SLC6A13: variants seen among roughly 807,000 people sequenced by gnomAD.
The protein encoded by SLC6A13 is solute carrier family 6 member 13, also known as sodium- and chloride-dependent GABA transporter 2.
A neutral mutation model predicts 72.9 loss-of-function variants in SLC6A13; 69 were observed. That is an observed-to-expected ratio of 0.95 (90% CI 0.78 to 1.16). SLC6A13 has a LOEUF of 1.16. SLC6A13 is among the 50% of genes most tolerant of loss of function. SLC6A13 has a pLI of 0.00. For missense variants in SLC6A13, 735 were observed against 760.5 expected, an observed-to-expected ratio of 0.97 and a Z score of 0.39; for synonymous variants, 303 against 303.0, an observed-to-expected ratio of 1.00 and a Z score of 0.00.
Position 242,701 on chromosome 12 carries a change from T to G in SLC6A13, c.391A>C (p.Ile131Leu). 1 of 1,609,388 alleles carries G rather than the reference T, an allele frequency of 6.2e-7. No individual in the cohort carries two copies. Among genetic ancestry groups the G allele is most frequent in the Non-Finnish European group, 8.5e-7 (1 of 1,177,850 alleles). ...TAGAACAGGGCCCAGGCCAACACAATGATGTAGTAGACGTTGAGGAGGATG... is the reference window on the plus strand; with the variant it reads ...TAGAACAGGGCCCAGGCCAACACAAGGATGTAGTAGACGTTGAGGAGGATG... ...IVILLNVYYI[I>L]VLAWALFYLF... is the part of the protein sequence containing the mutation. Residue 131 changes from isoleucine (I) to leucine (L), a missense_variant, in exon 4 of 15, where the codon ATT (isoleucine) becomes CTT (leucine). Ile to Leu is a conservative substitution (Grantham distance 5). Transcript: ENST00000343164.
chr12:262,609 CAAGTTTCAGAA>C (rs1461383929), intron 1 of SLC6A13, 169 bp downstream of exon 1: 1 of 807,208 alleles, frequency 1.2e-6, no homozygotes, highest in Non-Finnish European at 1.5e-6. Flanking sequence ...AACAGCCACC[CAAGTTTCAGAA>C]AGTCAAGAAA....
intron 2 of SLC6A13, among the ~76,000 whole-genome samples, chr12:248,458 T>C (rs1008561194): frequency 4.7e-5 from 7 of 150,344 alleles, no homozygotes; most frequent in African/African-American, 1.7e-4. Context: ...AAAATAAATC[T>C]GTAAAGTTTA....
chr12:229,365 A>T (rs887456055), intron 7 of SLC6A13, among the ~76,000 whole-genome samples: 12 of 152,202 alleles, frequency 7.9e-5, no homozygotes, highest in African/African-American at 2.9e-4. Flanking sequence ...CTCCTTCAAG[A>T]TGTTCTAAAT....
rs765967904 is a variant in SLC6A13 at position 221,085 on chromosome 12, GAGGTGGCTGTC to G, written c.1687-26_1687-16del. Reference sequence around the variant, plus strand: ...TGACGGATTCTCTGCGGGGATAGCAGAGGTGGCTGTCAGGTGGTGGAGCGGGGGCAGGTCTG... The same window carrying G: ...TGACGGATTCTCTGCGGGGATAGCAGAGGTGGTGGAGCGGGGGCAGGTCTG... On this transcript the variant is annotated splice_polypyrimidine_tract_variant and intron_variant, in intron 14 of 14. Coordinates refer to ENST00000343164, the MANE Select transcript of SLC6A13 (RefSeq NM_016615.5). The G allele has an allele frequency of 6.3e-7, 1 of 1,580,564 alleles. No individual in the cohort carries two copies. Among genetic ancestry groups the G allele is most frequent in the Non-Finnish European group, 8.6e-7 (1 of 1,165,136 alleles).
At chr12:238,032 G>C (rs1479538312) in intron 4 of SLC6A13, 22 bp from the exon 5 acceptor site, 14 of 1,606,684 alleles carry the variant, frequency 8.7e-6, no homozygotes, top group Non-Finnish European at 1.2e-5. Context: ...TCACGAGGAG[G>C]GAAAAAAGAG....
intron 5 of SLC6A13, 148 bp from the exon 6 acceptor site, chr12:237,438 A>G: frequency 1.2e-6 from 1 of 839,602 alleles, no homozygotes; most frequent in Non-Finnish European, 1.9e-6. Context: ...CTTAGCCCAG[A>G]GCTGGAGGTG....
chr12:227,763 G>A (rs1941526248), intron 7 of SLC6A13, 95 bp from the exon 8 acceptor site: 2 of 1,044,554 alleles, frequency 1.9e-6, no homozygotes, highest in Non-Finnish European at 2.8e-6. Context: ...CCAGACACTG[G>A]CTAGGGATGG....
At chr12:244,953 A>T (rs1450205780) in intron 2 of SLC6A13, among the ~76,000 whole-genome samples, 1 of 152,198 alleles carries the variant, frequency 6.6e-6, no homozygotes, top group Non-Finnish European at 1.5e-5. Flanking sequence ...TGGCGGAGAC[A>T]AGACTACTGA....
At chr12:247,889 A>G (rs1942408341) in intron 2 of SLC6A13, among the ~76,000 whole-genome samples, 1 of 152,186 alleles carries the variant, frequency 6.6e-6, no homozygotes, top group South Asian at 2.1e-4. Context: ...TCACTTGAAG[A>G]TAAAGTGTGA....
chr12:234,870 T>C (rs1440265567), intron 7 of SLC6A13, among the ~76,000 whole-genome samples: 1 of 152,160 alleles, frequency 6.6e-6, no homozygotes, highest in Non-Finnish European at 1.5e-5. Flanking sequence ...CCCCCCAAAT[T>C]CCTTCTTGTG....
chr12:221,787 C>T (rs1205288102), intron 13 of SLC6A13, among the ~76,000 whole-genome samples: 4 of 152,218 alleles, frequency 2.6e-5, no homozygotes, highest in Non-Finnish European at 4.4e-5. Flanking sequence ...GCAGCTGACT[C>T]CCAGGTAGGA....
At chr12:226,808 C>A (rs1029336652) in intron 8 of SLC6A13, 1 of 280,308 alleles carries the variant, frequency 3.6e-6, no homozygotes, top group African/African-American at 2.2e-5. Flanking sequence ...GCCACACAGC[C>A]GCCCCTCTCT....
intron 6 of SLC6A13, 88 bp from the exon 7 acceptor site, chr12:235,312 T>C: frequency 7.3e-7 from 1 of 1,372,566 alleles, no homozygotes; most frequent in Non-Finnish European, 1.0e-6. Context: ...GGGCAAGAGC[T>C]CCTCAGAAAA....
chr12:237,005 G>C, intron 6 of SLC6A13, 153 bp downstream of exon 6: 1 of 797,786 alleles, frequency 1.3e-6, no homozygotes, highest in Non-Finnish European at 2.0e-6. Context: ...GTCTAGGAGA[G>C]GCGGAGAATC....
chr12:248,774 C>G (rs1313859021), intron 2 of SLC6A13, among the ~76,000 whole-genome samples: 1 of 152,130 alleles, frequency 6.6e-6, no homozygotes, highest in African/African-American at 2.4e-5. Flanking sequence ...ATTATATCCA[C>G]CAGCTCAACT....
Position 220,764 on chromosome 12 carries a change from A to G in SLC6A13, c.*184T>C. The G allele has an allele frequency of 1.5e-6, 1 of 652,286 alleles. No homozygotes were observed. Among genetic ancestry groups the G allele is most frequent in the Non-Finnish European group, 2.6e-6 (1 of 389,668 alleles). 40.4% of individuals were successfully genotyped at this position (652,286 alleles called of 1,614,324 possible). A position where few individuals can be genotyped will look rare whatever the true frequency, so the allele number is the denominator to read the frequency against. ...GGCACTGGCCTTTCACATCTGTTCA[A>G]CAACCCCTGAGCTGAAAAGTTGCAG... On this transcript the variant is annotated 3_prime_UTR_variant, in exon 15 of 15. Transcript: ENST00000343164.
chr12:250,585 T>A lies in SLC6A13; in HGVS notation c.203-6772A>T, dbSNP rs113396473. ...ACTTAGGAATAAATCTGACAAAAGT[T>A]GTGAAAGATATATGTACACTCACAA... is the stretch of plus-strand genomic sequence containing the variant. On this transcript the variant is annotated intron_variant, in intron 2 of 14. Coordinates refer to ENST00000343164, the MANE Select transcript of SLC6A13 (RefSeq NM_016615.5). Among the ~76,000 whole-genome samples the A allele has an allele frequency of 5.0e-3, 759 of 152,138 alleles. 13 individuals are homozygous for A. The highest frequency in any genetic ancestry group is 0.017 in the African/African-American group (716 of 41,500).
At chr12:222,027 C>A (rs1941234114) in intron 13 of SLC6A13, among the ~76,000 whole-genome samples, 1 of 152,178 alleles carries the variant, frequency 6.6e-6, no homozygotes. Context: ...GGTTTGAATC[C>A]CAGTTCTCTG....
In SLC6A13 at chr12:237,226, G is replaced by C. The variant is rs1301840439; in HGVS notation, c.628C>G (p.Leu210Val). 1 of 1,614,066 alleles carries C rather than the reference G, an allele frequency of 6.2e-7. No individual in the cohort carries two copies. Among genetic ancestry groups the C allele is most frequent in the South Asian group, 1.1e-5 (1 of 91,076 alleles). Residue 210 changes from leucine to valine, a missense_variant, in exon 6 of 15, where the codon CTG becomes GTG. Coordinates refer to ENST00000343164, the MANE Select transcript of SLC6A13 (RefSeq NM_016615.5). ...HLGALRWELA[L>V]CLLLAWVICY... is the part of the protein sequence containing the mutation. The stretch of plus-strand genomic sequence containing the variant: ...ATGACCCAGGCCAGCAGGAGGCACA[G>C]AGCCAGCTCCCAGCGCAGGGCCCCC...
Sources: allele counts gnomAD v4.1 joint callset (sites outside exome capture counted in the v4.1 genomes callset), GRCh38; gene constraint gnomAD v4.1.1; transcripts MANE v1.5; gene names NCBI Gene and HGNC (gene_info 2026-07-23, HGNC 2026-07-21).